Variants in MFN1 observed in about 807,000 individuals in gnomAD.
MFN1 encodes the protein mitofusin 1.
In MFN1, 65 loss-of-function variants were observed where a neutral mutation model predicts 92.4. The observed-to-expected ratio is 0.70, with a 90% CI of 0.58 to 0.86. The LOEUF (loss-of-function observed/expected upper bound fraction) is 0.86, where lower values mean the gene tolerates loss of function less well. MFN1 is among the 40% of genes least tolerant of loss of function. The pLI is 0.00. For missense variants in MFN1, 781 were observed against 868.0 expected (o/e 0.90, Z 1.26); for synonymous variants, 297 against 300.9 (o/e 0.99, Z 0.13).
At chr3:179,356,608 A>G (rs1712351797) in intron 3 of MFN1, among the ~76,000 whole-genome samples, 1 of 152,150 alleles carries the variant, frequency 6.6e-6, no homozygotes, top group Non-Finnish European at 1.5e-5. Context: ...TTTTGATAGT[A>G]GAGGAGAAAA....
intron 14 of MFN1, 120 bp from the exon 15 acceptor site, chr3:179,385,449 A>T: frequency 1.3e-6 from 1 of 755,966 alleles, no homozygotes; most frequent in South Asian, 2.0e-5. Context: ...TTTGTGGTGT[A>T]CTCATCATTT....
chr3:179,377,053 T>G lies in MFN1; in HGVS notation c.1109T>G (p.Val370Gly). The change falls in exon 11 of 18, where the codon GTG (valine) becomes GGG (glycine). Residue 370 changes from valine to glycine, a missense_variant. By Grantham distance (109) the Val-to-Gly change is moderately radical. Coordinates refer to ENST00000471841, the MANE Select transcript of MFN1 (RefSeq NM_033540.3). ...LAAEDKRHYSVEEREDQIDRL... is the reference protein window; with the variant it reads ...LAAEDKRHYSGEEREDQIDRL... ...TTATACTGAAATAGGCATTATTCAGTGGAAGAGAGGGAAGACCAAATTGAT... is the reference window on the plus strand; with the variant it reads ...TTATACTGAAATAGGCATTATTCAGGGGAAGAGAGGGAAGACCAAATTGAT... 6.2e-7 allele frequency: 1 copy of G among 1,613,638 alleles called. No individual in the cohort carries two copies.
chr3:179,373,919 C>T (rs1362314771), intron 9 of MFN1, among the ~76,000 whole-genome samples: 3 of 151,896 alleles, frequency 2.0e-5, no homozygotes, highest in Non-Finnish European at 4.4e-5. Context: ...GTGATCTGCC[C>T]GCCTCGGCCT....
intron 2 of MFN1, among the ~76,000 whole-genome samples, chr3:179,349,732 A>G (rs1385284136): frequency 6.6e-6 from 1 of 151,754 alleles, no homozygotes; most frequent in Non-Finnish European, 1.5e-5. Context: ...CTGGTCTCGA[A>G]CTCCTGACCC....
In MFN1 at chr3:179,358,184, T is replaced by C. The variant is rs1712422095; in HGVS notation, c.249-656T>C. ...TTTTTTTTTTGAGACTCAGTCTGGC[T>C]CTGTCGCCCAGGCTGGAGTGCAGTG... On this transcript the variant is annotated intron_variant, in intron 3 of 17. Coordinates refer to ENST00000471841, the MANE Select transcript of MFN1 (RefSeq NM_033540.3). Among the ~76,000 whole-genome samples, 4 of 138,044 alleles carry C rather than the reference T, an allele frequency of 2.9e-5. No individual in the cohort carries two copies. In the South Asian group the frequency reaches 7.0e-4, roughly 24 times the overall value. 90.6% of individuals were successfully genotyped at this position (138,044 alleles called of 152,430 possible). A position where few individuals can be genotyped will look rare whatever the true frequency, so the allele number is the denominator to read the frequency against.
At chr3:179,382,896 T>C (rs927843424) in intron 14 of MFN1, among the ~76,000 whole-genome samples, 1 of 152,244 alleles carries the variant, frequency 6.6e-6, no homozygotes, top group African/African-American at 2.4e-5. Flanking sequence ...GTTCATATCC[T>C]TCGCCCACTT....
rs1353930761 is a variant in MFN1, at chr3:179,378,822, T to C, written c.1662+8T>C. On this transcript the variant is annotated splice_region_variant and intron_variant, in intron 14 of 17. Coordinates refer to ENST00000471841, the MANE Select transcript of MFN1 (RefSeq NM_033540.3). ...TCAGAGCCTATCTTTCAGGTATGTA[T>C]CTTTGAATCTACCAATTAAGACTCT... 1.3e-6 allele frequency: 2 copies of C among 1,577,678 alleles called. No homozygotes were observed. The highest frequency in any genetic ancestry group is 1.7e-6 in the Non-Finnish European group (2 of 1,148,838).
At chr3:179,356,798 G>T (rs976675786) in intron 3 of MFN1, among the ~76,000 whole-genome samples, 1 of 152,030 alleles carries the variant, frequency 6.6e-6, no homozygotes, top group South Asian at 2.1e-4. Context: ...TTCTTATATG[G>T]GGTGGAGGGA....
At chr3:179,363,898 T>G (rs1712681763) in intron 5 of MFN1, among the ~76,000 whole-genome samples, 1 of 152,200 alleles carries the variant, frequency 6.6e-6, no homozygotes, top group African/African-American at 2.4e-5. Flanking sequence ...TGAATAAATT[T>G]TTTAACTTTT....
intron 5 of MFN1, 128 bp from the exon 6 acceptor site, chr3:179,364,169 C>T (rs192572187): frequency 1.0e-5 from 6 of 573,930 alleles, no homozygotes; most frequent in East Asian, 6.1e-5. Context: ...ATTTCCTAGA[C>T]TTCTTACAGA....
intron 3 of MFN1, 123 bp downstream of exon 3, chr3:179,352,158 T>A: frequency 1.0e-6 from 1 of 982,816 alleles, no homozygotes; most frequent in Non-Finnish European, 1.5e-6. Flanking sequence ...TGTTGAATGT[T>A]AAAGCTGTTA....
chr3:179,368,114 T>C lies in MFN1; in HGVS notation c.975+11T>C, dbSNP rs774302660. On this transcript the variant is annotated intron_variant, in intron 9 of 17. Transcript: ENST00000471841. ...GAACAAATCTTTGAGGTAGGAATTT[T>C]GTGATTGTATTGCCTAATACAAAAC... 16 of 1,551,820 alleles carry C rather than the reference T, an allele frequency of 1.0e-5. 1 individual carries two copies. In the South Asian group the frequency reaches 1.9e-4, roughly 19 times the overall value.
chr3:179,366,877 A>G (rs1712814008), intron 7 of MFN1, among the ~76,000 whole-genome samples: 1 of 152,192 alleles, frequency 6.6e-6, no homozygotes, highest in African/African-American at 2.4e-5. Flanking sequence ...TGAACCCAAC[A>G]TTGCAATTCT....
intron 5 of MFN1, among the ~76,000 whole-genome samples, chr3:179,363,141 T>C (rs1712648605): frequency 6.6e-6 from 1 of 152,186 alleles, no homozygotes; most frequent in Non-Finnish European, 1.5e-5. Context: ...TCTCACTCTG[T>C]CACCTAGGCT....
chr3:179,360,012 C>A (rs528588971), intron 4 of MFN1, among the ~76,000 whole-genome samples: 1 of 151,662 alleles, frequency 6.6e-6, no homozygotes, highest in Non-Finnish European at 1.5e-5. Flanking sequence ...ACCTCCTGGG[C>A]TCAAGTGATT....
chr3:179,385,135 G>A (rs1037687663), intron 14 of MFN1, among the ~76,000 whole-genome samples: 4 of 150,450 alleles, frequency 2.7e-5, no homozygotes, highest in South Asian at 2.1e-4. Flanking sequence ...GGATGGTCTC[G>A]ATCTCCTGAC....
chr3:179,348,672 A>G, intron 1 of MFN1, 173 bp from the exon 2 acceptor site: 1 of 936,206 alleles, frequency 1.1e-6, no homozygotes, highest in Non-Finnish European at 1.4e-6. Context: ...AATATCATTC[A>G]AAAGTCGTCT....
intron 3 of MFN1, among the ~76,000 whole-genome samples, chr3:179,352,629 A>G (rs985781163): frequency 6.6e-6 from 1 of 152,240 alleles, no homozygotes; most frequent in Non-Finnish European, 1.5e-5. Flanking sequence ...TCTTGTTTCT[A>G]GGCAGCTTAT....
chr3:179,350,546 A>G (rs2108521742), intron 2 of MFN1, among the ~76,000 whole-genome samples: 1 of 152,324 alleles, frequency 6.6e-6, no homozygotes, highest in African/African-American at 2.4e-5. Flanking sequence ...GGCACTAGTG[A>G]AATGACAGCT....
Sources: gnomAD v4.1 joint callset for allele counts (sites outside exome capture counted in the v4.1 genomes callset) on GRCh38, gnomAD v4.1.1 for gene constraint, MANE v1.5 for transcripts, NCBI Gene and HGNC (gene_info 2026-07-23, HGNC 2026-07-21) for gene names.